PBLD: variants seen among roughly 807,000 people sequenced by gnomAD.
The protein encoded by PBLD is phenazine biosynthesis like protein domain containing.
Under a neutral mutation model 31.3 loss-of-function variants are expected in PBLD, and 26 were observed. The observed-to-expected ratio is 0.83, with a 90% CI of 0.61 to 1.15. PBLD has a LOEUF of 1.15. Among genes scored for constraint, PBLD ranks in the 50% most tolerant of loss-of-function variants. PBLD has a pLI of 0.00. For synonymous variants in PBLD, 114 were observed against 129.0 expected (o/e 0.88, Z 0.79); for missense variants, 307 against 351.7 (o/e 0.87, Z 1.02).
At chr10:68,310,920 CA>C (rs1336989235) in intron 1 of PBLD, among the ~76,000 whole-genome samples, 1 of 152,098 alleles carries the variant, frequency 6.6e-6, no homozygotes, top group African/African-American at 2.4e-5. Flanking sequence ...CCCAACCTAC[CA>C]AACAATATAG....
chr10:68,320,488 G>C (rs1348411104), intron 1 of PBLD, among the ~76,000 whole-genome samples: 1 of 152,100 alleles, frequency 6.6e-6, no homozygotes, highest in East Asian at 1.9e-4. Flanking sequence ...AAAATCCAAA[G>C]ATGCTCAAGT....
intron 2 of PBLD, among the ~76,000 whole-genome samples, chr10:68,303,561 G>A (rs549307367): frequency 4.6e-5 from 7 of 151,636 alleles, no homozygotes; most frequent in African/African-American, 1.5e-4. Context: ...TTGGGAGGCC[G>A]AGGTGGGAAG....
At chr10:68,330,858 TTTTC>T (rs1463966687) in intron 1 of PBLD, among the ~76,000 whole-genome samples, 2 of 151,220 alleles carry the variant, frequency 1.3e-5, no homozygotes, top group African/African-American at 2.4e-5. Flanking sequence ...AATTCGGGGT[TTTTC>T]TTTGTGTTTG....
chr10:68,332,330 G>A (rs1237441034), intron 1 of PBLD: 1 of 152,142 alleles, frequency 6.6e-6, no homozygotes, highest in Non-Finnish European at 1.5e-5. Flanking sequence ...TCGCCGCTCG[G>A]AGGCCGCCGC....
At chr10:68,295,936 G>A in intron 4 of PBLD, 1 of 164,988 alleles carries the variant, frequency 6.1e-6, no homozygotes, top group Non-Finnish European at 1.3e-5. Context: ...TCTCCAGCCT[G>A]GGCAACACAG....
At chr10:68,285,162 G>T in intron 9 of PBLD, 186 bp downstream of exon 9, 1 of 1,441,924 alleles carries the variant, frequency 6.9e-7, no homozygotes. Context: ...TGTATGTTGG[G>T]GGAGGCAGAG....
chr10:68,307,471 G>C (rs1268589328), intron 1 of PBLD, among the ~76,000 whole-genome samples: 4 of 151,904 alleles, frequency 2.6e-5, no homozygotes, highest in African/African-American at 7.3e-5. Context: ...AGAGTAGCCA[G>C]AACTAGCTTA....
chr10:68,316,137 C>T (rs117731828), intron 1 of PBLD, among the ~76,000 whole-genome samples: 6,993 of 152,116 alleles, frequency 0.046, 208 homozygotes, highest in Middle Eastern at 0.068. Context: ...TAAAAACTGT[C>T]CCTGAGGGAG....
chr10:68,292,290 C>A, intron 4 of PBLD, 52 bp from the exon 5 acceptor site: 2 of 1,444,540 alleles, frequency 1.4e-6, no homozygotes, highest in Non-Finnish European at 9.6e-7. Context: ...CATATATGCG[C>A]ATGTCCATTT....
intron 1 of PBLD, among the ~76,000 whole-genome samples, chr10:68,320,881 G>A (rs1024585239): frequency 1.3e-5 from 2 of 150,096 alleles, no homozygotes; most frequent in Admixed American, 6.7e-5. Context: ...GCAATGGCAC[G>A]ATCTCAGCTC....
At chr10:68,298,278 G>T (rs2044458125) in intron 2 of PBLD, among the ~76,000 whole-genome samples, 1 of 151,898 alleles carries the variant, frequency 6.6e-6, no homozygotes, top group Non-Finnish European at 1.5e-5. Flanking sequence ...AAAGAAAAAA[G>T]AAAAAGAATG....
At chr10:68,298,369 A>AT (rs1363386884) in intron 2 of PBLD, among the ~76,000 whole-genome samples, 3 of 151,868 alleles carry the variant, frequency 2.0e-5, no homozygotes. Flanking sequence ...GCTCATGCCT[A>AT]TAATGCCAGC....
chr10:68,289,212 A>G (rs1469948265), intron 6 of PBLD, among the ~76,000 whole-genome samples, 193 bp from the exon 7 acceptor site: 1 of 152,154 alleles, frequency 6.6e-6, no homozygotes, highest in Non-Finnish European at 1.5e-5. Context: ...CTGGCTACCA[A>G]AGAGGCCTCT....
At chr10:68,324,896 G>T (rs371824229) in intron 1 of PBLD, among the ~76,000 whole-genome samples, 1 of 151,406 alleles carries the variant, frequency 6.6e-6, no homozygotes, top group Non-Finnish European at 1.5e-5. Context: ...GATTACAGGC[G>T]TGAGCCATCA....
chr10:68,293,753 T>C (rs1181446792), intron 4 of PBLD, among the ~76,000 whole-genome samples: 1 of 152,062 alleles, frequency 6.6e-6, no homozygotes, highest in Non-Finnish European at 1.5e-5. Context: ...GGCGGGTGGT[T>C]CACCCGAAGT....
At position 68,284,193 on chromosome 10, in the gene PBLD, C is replaced by A; in HGVS notation, c.851G>T (p.Gly284Val). ...TAACCACCTCTAGGCTGTCAGTGTGCCCTCTAAAACAACAGCTGCACCTCC... is the reference window on the plus strand; with the variant it reads ...TAACCACCTCTAGGCTGTCAGTGTGACCTCTAAAACAACAGCTGCACCTCC... ...IRGGAAVVLE[G>V]TLTA The change falls in exon 10 of 10, where the codon GGC becomes GTC. Residue 284 changes from glycine (G) to valine (V), a missense_variant. Coordinates refer to ENST00000358769, the MANE Select transcript of PBLD (RefSeq NM_022129.4). 2 of 1,613,814 alleles carry A rather than the reference C, an allele frequency of 1.2e-6. No individual in the cohort carries two copies. Among genetic ancestry groups the A allele is most frequent in the Admixed American group, 1.7e-5 (1 of 59,990 alleles).
chr10:68,294,986 G>A (rs1344795818), intron 4 of PBLD, among the ~76,000 whole-genome samples: 1 of 151,946 alleles, frequency 6.6e-6, no homozygotes, highest in African/African-American at 2.4e-5. Context: ...TTCCATTTCC[G>A]TTTGCTGTCT....
intron 1 of PBLD, among the ~76,000 whole-genome samples, chr10:68,312,228 G>A (rs932120745): frequency 2.6e-5 from 4 of 152,154 alleles, no homozygotes; most frequent in African/African-American, 9.7e-5. Flanking sequence ...TACATGGTTA[G>A]TTCTATTTTC....
At chr10:68,286,850 C>G (rs573376859) in intron 8 of PBLD, among the ~76,000 whole-genome samples, 1 of 82,832 alleles carries the variant, frequency 1.2e-5, no homozygotes, top group East Asian at 3.6e-4. Context: ...TTGGGAAAAC[C>G]TATGAAGTGT....
Sources: allele counts gnomAD v4.1 joint callset (sites outside exome capture counted in the v4.1 genomes callset), GRCh38; gene constraint gnomAD v4.1.1; transcripts MANE v1.5; gene names NCBI Gene and HGNC (gene_info 2026-07-23, HGNC 2026-07-21).